Variants in EFR3B observed in about 807,000 individuals in gnomAD.
EFR3B encodes EFR3 homolog B.
In EFR3B, 64 loss-of-function variants were observed where a neutral mutation model predicts 104.7. That is an observed-to-expected ratio of 0.61 (90% CI 0.50 to 0.75). EFR3B has a LOEUF of 0.75. Among genes scored for constraint, EFR3B ranks in the 30% least tolerant of loss-of-function variants. The probability of loss-of-function intolerance (pLI) is 0.00; values close to 1 mark genes in which losing one functional copy is unlikely to be tolerated. For missense variants in EFR3B, 750 were observed against 1,078.5 expected, an observed-to-expected ratio of 0.70 and a Z score of 4.27; for synonymous variants, 385 against 417.9, an observed-to-expected ratio of 0.92 and a Z score of 0.96.
chr2:25,109,166 TAAC>T (rs1348595363), intron 4 of EFR3B, among the ~76,000 whole-genome samples: 7 of 133,906 alleles, frequency 5.2e-5, no homozygotes, highest in Non-Finnish European at 7.7e-5. Context: ...TCTTAAGACT[TAAC>T]AACAAAAAAA....
rs554515882 is a variant in EFR3B, at chr2:25,089,211, AC to A, written c.8-2111del. Among the ~76,000 whole-genome samples the A allele has an allele frequency of 7.2e-4, 109 of 152,204 alleles. 1 individual carries two copies. The highest frequency in any genetic ancestry group is 2.5e-3 in the African/African-American group (105 of 41,548). The stretch of plus-strand genomic sequence containing the variant: ...CTGTCCCGGCCTGATGTCTCAGGGA[AC>A]CCTCTCCAGCCAGAGTAGCTGCACT... On this transcript the variant is annotated intron_variant, in intron 1 of 22. Coordinates refer to ENST00000403714, the MANE Select transcript of EFR3B (RefSeq NM_014971.2).
chr2:25,128,126 G>A (rs976705939), intron 5 of EFR3B, 57 bp from the exon 6 acceptor site: 1 of 1,544,406 alleles, frequency 6.5e-7, no homozygotes, highest in African/African-American at 1.4e-5. Context: ...AGCCACCGAA[G>A]CTGGACTTCT....
intron 1 of EFR3B, among the ~76,000 whole-genome samples, chr2:25,088,381 C>T (rs780974465): frequency 5.9e-5 from 9 of 152,100 alleles, no homozygotes; most frequent in Middle Eastern, 3.2e-3. Flanking sequence ...TTCAGACCCA[C>T]GTGGGAAATC....
Position 25,149,728 on chromosome 2 carries a change from T to C in EFR3B, c.2177T>C (p.Leu726Pro). 1 of 1,551,500 alleles carries C rather than the reference T, an allele frequency of 6.4e-7. No homozygotes were observed. Among genetic ancestry groups the C allele is most frequent in the Non-Finnish European group, 8.7e-7 (1 of 1,146,854 alleles). ...VPAEEITYET[L>P]KKAIVDSVAV... The stretch of plus-strand genomic sequence containing the variant: ...GCCGAGGAGATCACCTATGAGACAC[T>C]GAAGAAAGCCATTGGTAAGTCAGGG... Residue 726 changes from leucine (L) to proline (P), a missense_variant, in exon 20 of 23, where the codon CTG (leucine) becomes CCG (proline). Leu to Pro is a moderately conservative substitution (Grantham distance 98). Coordinates refer to ENST00000403714, the MANE Select transcript of EFR3B (RefSeq NM_014971.2).
At chr2:25,069,369 G>A (rs1420681805) in intron 1 of EFR3B, among the ~76,000 whole-genome samples, 1 of 152,164 alleles carries the variant, frequency 6.6e-6, no homozygotes, top group Admixed American at 6.5e-5. Context: ...TTCAAACCAT[G>A]CTAAAATAAA....
At chr2:25,090,857 G>A (rs1669092429) in intron 1 of EFR3B, among the ~76,000 whole-genome samples, 2 of 152,182 alleles carry the variant, frequency 1.3e-5, no homozygotes, top group Non-Finnish European at 2.9e-5. Context: ...ACCTGCCCCC[G>A]AAACCTGTAT....
At chr2:25,080,639 C>T (rs772239610) in intron 1 of EFR3B, 1 of 602,948 alleles carries the variant, frequency 1.7e-6, no homozygotes, top group Non-Finnish European at 2.9e-6. Flanking sequence ...AAACCAGCAC[C>T]ATTTACTAGA....
intron 1 of EFR3B, among the ~76,000 whole-genome samples, chr2:25,060,893 C>T (rs963347972): frequency 6.6e-6 from 1 of 150,838 alleles, no homozygotes; most frequent in Admixed American, 6.6e-5. Flanking sequence ...TGCACTCCAG[C>T]CTGGGCGACA....
At chr2:25,090,291 C>G (rs983871236) in intron 1 of EFR3B, among the ~76,000 whole-genome samples, 2 of 152,244 alleles carry the variant, frequency 1.3e-5, no homozygotes, top group African/African-American at 4.8e-5. Context: ...CATGCCCGCC[C>G]GCCCCCTCAG....
chr2:25,058,946 A>G (rs1197331317), intron 1 of EFR3B, among the ~76,000 whole-genome samples: 2 of 152,138 alleles, frequency 1.3e-5, no homozygotes, highest in Non-Finnish European at 2.9e-5. Flanking sequence ...ACTAATAGAC[A>G]TAAACCCCAA....
chr2:25,156,540 G>C lies in EFR3B; in HGVS notation c.*2200G>C, dbSNP rs1275820123. On this transcript the variant is annotated 3_prime_UTR_variant, in exon 23 of 23. Coordinates refer to ENST00000403714, the MANE Select transcript of EFR3B (RefSeq NM_014971.2). ...TGGAACTCCTGATCTCAAGTGATCCGCCCGCCTCAGCCTCTCAAAGTGCTG... is the reference window on the plus strand; with the variant it reads ...TGGAACTCCTGATCTCAAGTGATCCCCCCGCCTCAGCCTCTCAAAGTGCTG... The C allele has an allele frequency of 6.6e-6, 1 of 151,666 alleles. No individual in the cohort carries two copies. The highest frequency in any genetic ancestry group is 2.4e-5 in the African/African-American group (1 of 41,270). 9.4% of individuals were successfully genotyped at this position (151,666 alleles called of 1,614,324 possible).
intron 1 of EFR3B, among the ~76,000 whole-genome samples, chr2:25,069,044 C>G (rs1668418257): frequency 6.6e-6 from 1 of 151,656 alleles, no homozygotes; most frequent in African/African-American, 2.4e-5. Flanking sequence ...AGTGATTCTC[C>G]TGCCTCAGCC....
intron 4 of EFR3B, among the ~76,000 whole-genome samples, chr2:25,115,791 G>T (rs1451691503): frequency 2.0e-5 from 3 of 152,238 alleles, no homozygotes; most frequent in African/African-American, 4.8e-5. Flanking sequence ...AGCTAACACT[G>T]ACGTGTTAAG....
intron 1 of EFR3B, among the ~76,000 whole-genome samples, chr2:25,064,217 G>A (rs541507252): frequency 2.4e-4 from 37 of 152,316 alleles, no homozygotes; most frequent in African/African-American, 8.4e-4. Context: ...CTGGCACTGC[G>A]TGCATGCTGC....
chr2:25,085,944 G>A (rs891706615), intron 1 of EFR3B, among the ~76,000 whole-genome samples: 10 of 151,672 alleles, frequency 6.6e-5, no homozygotes, highest in African/African-American at 2.4e-4. Context: ...TGGGGACTGT[G>A]GCTCTGCTCG....
rs143690097 is a variant in EFR3B at position 25,119,593 on chromosome 2, C to T, written c.364-2080C>T. Among the ~76,000 whole-genome samples, 1,374 of 152,328 alleles carry T rather than the reference C, an allele frequency of 9.0e-3. 22 individuals carry two copies. Among genetic ancestry groups the T allele is most frequent in the African/African-American group, 0.03 (1,251 of 41,570 alleles). The stretch of plus-strand genomic sequence containing the variant: ...GTGGATTACCACTGTGCCTCTTCTG[C>T]GTCACCACATCAGTCATGCCAGCAA... On this transcript the variant is annotated intron_variant, in intron 4 of 22. Coordinates refer to ENST00000403714, the MANE Select transcript of EFR3B (RefSeq NM_014971.2).
At chr2:25,047,029 G>A (rs923122718) in intron 1 of EFR3B, among the ~76,000 whole-genome samples, 5 of 152,184 alleles carry the variant, frequency 3.3e-5, no homozygotes, top group Non-Finnish European at 7.3e-5. Flanking sequence ...TGAGAAGGGG[G>A]CCAGGTGAGC....
In EFR3B at chr2:25,042,808, G is replaced by A; in HGVS notation, c.7+489G>A. The A allele has an allele frequency of 3.6e-6, 2 of 560,566 alleles. No homozygotes were observed. The highest frequency in any genetic ancestry group is 4.5e-6 in the Non-Finnish European group (2 of 441,434). 34.7% of individuals were successfully genotyped at this position (560,566 alleles called of 1,614,324 possible). A position where few individuals can be genotyped will look rare whatever the true frequency, so the allele number is the denominator to read the frequency against. ...GGGGAGCAGCCAGTGGCCGAGTCTC[G>A]TCTCGCCCGCCTGAATGGACTCGGC... On this transcript the variant is annotated intron_variant, in intron 1 of 22. Transcript: ENST00000403714. This position sits in a 1 kb window ranked among gnomAD's most constrained non-coding sequence, Gnocchi z 5.4.
intron 1 of EFR3B, among the ~76,000 whole-genome samples, chr2:25,078,422 G>C (rs1220130172): frequency 1.3e-5 from 2 of 152,204 alleles, no homozygotes; most frequent in Non-Finnish European, 2.9e-5. Flanking sequence ...GCAAAGCTGA[G>C]AAAATAAATA....
Sources: allele counts gnomAD v4.1 joint callset (sites outside exome capture counted in the v4.1 genomes callset), GRCh38; gene constraint gnomAD v4.1.1; non-coding constraint Gnocchi (gnomAD v3.1); transcripts MANE v1.5; gene names NCBI Gene and HGNC (gene_info 2026-07-23, HGNC 2026-07-21).